OPCML: variants seen among roughly 807,000 people sequenced by gnomAD.
OPCML encodes the protein opioid binding protein/cell adhesion molecule like, also known as opioid-binding protein/cell adhesion molecule.
In OPCML, 13 loss-of-function variants were observed where a neutral mutation model predicts 37.8. The ratio of observed to expected loss-of-function variants is 0.34; its 90% CI spans 0.22 to 0.55. OPCML has a LOEUF of 0.55. Among genes scored for constraint, OPCML ranks in the 20% least tolerant of loss-of-function variants. The probability of loss-of-function intolerance (pLI) is 0.91; values close to 1 mark genes in which losing one functional copy is unlikely to be tolerated. For synonymous variants in OPCML, 176 were observed against 168.8 expected, an observed-to-expected ratio of 1.04 and a Z score of -0.33; for missense variants, 341 against 435.6, an observed-to-expected ratio of 0.78 and a Z score of 1.93.
intron 1 of OPCML, among the ~76,000 whole-genome samples, chr11:133,335,144 T>G (rs572935339): frequency 7.0e-4 from 106 of 152,332 alleles, no homozygotes; most frequent in African/African-American, 2.5e-3. Context: ...AATGTCCCCT[T>G]GGCAACAAAA....
At chr11:133,133,350 G>A (rs1949633976) in intron 1 of OPCML, among the ~76,000 whole-genome samples, 1 of 152,166 alleles carries the variant, frequency 6.6e-6, no homozygotes, top group African/African-American at 2.4e-5. Context: ...AGGAAAAGCT[G>A]CCTTGGCTCC....
At chr11:132,694,696 T>G (rs143733825) in intron 2 of OPCML, among the ~76,000 whole-genome samples, 2 of 152,338 alleles carry the variant, frequency 1.3e-5, no homozygotes, top group Non-Finnish European at 2.9e-5. Flanking sequence ...AAAACACATC[T>G]TTCTAGACTT....
chr11:133,488,544 C>A lies in OPCML; in HGVS notation c.61+43720G>T, dbSNP rs186757986. Among the ~76,000 whole-genome samples, 13 of 151,982 alleles carry A rather than the reference C, an allele frequency of 8.6e-5. No homozygotes were observed. In the East Asian group the frequency reaches 2.1e-3, roughly 25 times the overall value. On this transcript the variant is annotated intron_variant, in intron 1 of 7. Transcript: ENST00000524381. ...TAAAATATCTAGGAATATATGTAAC[C>A]AAGAAGGTGAAAGATACCTACAAAA... is the stretch of plus-strand genomic sequence containing the variant.
chr11:133,291,037 G>A (rs1161686556), intron 1 of OPCML, among the ~76,000 whole-genome samples: 1 of 152,218 alleles, frequency 6.6e-6, no homozygotes, highest in Non-Finnish European at 1.5e-5. Context: ...TTTCTTAAGT[G>A]TTTAAAATCA....
At chr11:132,798,318 G>T (rs978824244) in intron 2 of OPCML, among the ~76,000 whole-genome samples, 1 of 151,970 alleles carries the variant, frequency 6.6e-6, no homozygotes, top group East Asian at 1.9e-4. Flanking sequence ...TGATCCACCC[G>T]CCTCAGCCTC....
At chr11:132,784,266 T>C (rs1256252646) in intron 2 of OPCML, among the ~76,000 whole-genome samples, 1 of 152,134 alleles carries the variant, frequency 6.6e-6, no homozygotes, top group Non-Finnish European at 1.5e-5. Flanking sequence ...GATTAATAAC[T>C]ACTAACTTCC....
At chr11:132,460,701 G>GAGAGA (rs1424379270) in intron 4 of OPCML, among the ~76,000 whole-genome samples, 15 of 152,200 alleles carry the variant, frequency 9.9e-5, no homozygotes, top group Non-Finnish European at 4.4e-5. Context: ...AACAGCTCCA[G>GAGAGA]AGAGAATCGC....
At chr11:132,999,902 G>A (rs1407458394) in intron 1 of OPCML, among the ~76,000 whole-genome samples, 3 of 152,140 alleles carry the variant, frequency 2.0e-5, no homozygotes, top group Admixed American at 6.5e-5. Flanking sequence ...TACCCAAAAC[G>A]CATCCCCCTC....
intron 1 of OPCML, among the ~76,000 whole-genome samples, chr11:132,983,262 A>T (rs1298280470): frequency 1.3e-5 from 2 of 152,228 alleles, no homozygotes; most frequent in Non-Finnish European, 2.9e-5. Context: ...AGTTTGGGAG[A>T]AAAACACAGC....
Position 132,943,881 on chromosome 11 carries a change from C to G in OPCML, c.62-871G>C, listed in dbSNP as rs1418972850. Reference sequence around the variant, plus strand: ...ACGCTCAGCGGCCGCCCCCGGCCTCCGCGCCGCCTTCCTCCCGGGAGCAGC... The same window carrying G: ...ACGCTCAGCGGCCGCCCCCGGCCTCGGCGCCGCCTTCCTCCCGGGAGCAGC... On this transcript the variant is annotated intron_variant, in intron 1 of 7. Transcript: ENST00000524381. This position sits in a 1 kb window ranked among gnomAD's most constrained non-coding sequence, Gnocchi z 4.3. 1.3e-5 allele frequency: 2 copies of G among 151,504 alleles called. No individual in the cohort carries two copies. The highest frequency in any genetic ancestry group is 3.0e-5 in the Non-Finnish European group (2 of 67,794). The allele number at this position is 151,504 out of a possible 1,614,324, so 9.4% of individuals were successfully genotyped here.
intron 1 of OPCML, among the ~76,000 whole-genome samples, chr11:133,097,591 G>A (rs1207934252): frequency 2.6e-5 from 4 of 151,952 alleles, no homozygotes; most frequent in African/African-American, 4.8e-5. Flanking sequence ...CTGGTTCTAC[G>A]AAAAGATCAA....
intron 1 of OPCML, among the ~76,000 whole-genome samples, chr11:133,419,849 AC>A (rs1945848455): frequency 6.6e-6 from 1 of 152,214 alleles, no homozygotes; most frequent in Non-Finnish European, 1.5e-5. Context: ...ACTATTCAAA[AC>A]CTATTATCTA....
intron 1 of OPCML, among the ~76,000 whole-genome samples, chr11:133,116,600 G>T (rs1414250825): frequency 6.6e-6 from 1 of 152,062 alleles, no homozygotes; most frequent in East Asian, 1.9e-4. Flanking sequence ...ATGCGTTTTT[G>T]GCAGGAATAC....
At chr11:133,074,342 A>C (rs1417567203) in intron 1 of OPCML, among the ~76,000 whole-genome samples, 2 of 152,218 alleles carry the variant, frequency 1.3e-5, no homozygotes, top group South Asian at 4.1e-4. Flanking sequence ...CCAAGTAAGA[A>C]ATTTTGTTCC....
intron 2 of OPCML, among the ~76,000 whole-genome samples, chr11:132,746,094 T>C (rs1945624990): frequency 1.3e-5 from 2 of 148,774 alleles, no homozygotes; most frequent in East Asian, 2.0e-4. Flanking sequence ...CACAAAGTTG[T>C]TGTTTTTTTT....
At chr11:132,624,316 A>C (rs1443095793) in intron 3 of OPCML, among the ~76,000 whole-genome samples, 1 of 152,242 alleles carries the variant, frequency 6.6e-6, no homozygotes, top group Non-Finnish European at 1.5e-5. Context: ...GAAACTGCTC[A>C]TATCACTATC....
chr11:133,320,172 T>C (rs565131666), intron 1 of OPCML, among the ~76,000 whole-genome samples: 2 of 152,336 alleles, frequency 1.3e-5, no homozygotes, highest in East Asian at 1.9e-4. Context: ...CTGAAACTCA[T>C]TGACTGACAC....
At chr11:133,422,162 G>A in intron 1 of OPCML, 1 of 980,500 alleles carries the variant, frequency 1.0e-6, no homozygotes, top group South Asian at 4.7e-5. Flanking sequence ...TTTGTTTGTT[G>A]TTGTTGTTGT....
intron 1 of OPCML, among the ~76,000 whole-genome samples, chr11:133,374,633 G>A (rs1432886698): frequency 2.0e-5 from 3 of 152,042 alleles, no homozygotes; most frequent in Admixed American, 6.6e-5. Flanking sequence ...TCCTAATATC[G>A]TCCTACCCTG....
Sources: gnomAD v4.1 joint callset for allele counts (sites outside exome capture counted in the v4.1 genomes callset) on GRCh38, gnomAD v4.1.1 for gene constraint, Gnocchi (gnomAD v3.1) non-coding constraint, MANE v1.5 for transcripts, NCBI Gene and HGNC (gene_info 2026-07-23, HGNC 2026-07-21) for gene names.